The following LUZP2 variants were observed in gnomAD, a reference collection of about 807,000 sequenced individuals.
LUZP2 encodes the protein leucine zipper protein 2.
LUZP2 carries 52 observed loss-of-function variants against 51.6 expected under a neutral mutation model. The ratio of observed to expected loss-of-function variants is 1.01; its 90% confidence interval spans 0.81 to 1.27. The LOEUF is 1.27. Ranked by LOEUF, LUZP2 falls within the 50% of genes most tolerant of loss-of-function variation. The probability of loss-of-function intolerance (pLI) is 0.00; values close to 1 mark genes in which losing one functional copy is unlikely to be tolerated. For synonymous variants in LUZP2, 154 were observed against 137.3 expected (o/e 1.12, Z -0.85); for missense variants, 436 against 395.4 (o/e 1.10, Z -0.87).
rs554232184 is a variant in LUZP2, at chr11:25,074,868, G to A, written c.859-2461G>A. Reference sequence around the variant, plus strand: ...ATCAAAACTTTAAGATATTGTATAAGATTTCTGAGAAGAACTACAATAAAT... The same window carrying A: ...ATCAAAACTTTAAGATATTGTATAAAATTTCTGAGAAGAACTACAATAAAT... On this transcript the variant is annotated intron_variant, in intron 10 of 11. Transcript: ENST00000336930. Among the ~76,000 whole-genome samples the A allele has an allele frequency of 2.0e-5, 3 of 152,176 alleles. No individual in the cohort carries two copies. In the East Asian group the frequency reaches 5.8e-4, roughly 29 times the overall value.
chr11:24,922,761 C>T (rs528371067), intron 7 of LUZP2, among the ~76,000 whole-genome samples: 7 of 145,670 alleles, frequency 4.8e-5, no homozygotes, highest in African/African-American at 1.8e-4. Context: ...ATTAGAAAAC[C>T]AAGACCCAGA....
chr11:24,594,508 A>G (rs536026520), intron 1 of LUZP2, among the ~76,000 whole-genome samples: 1 of 152,282 alleles, frequency 6.6e-6, no homozygotes, highest in South Asian at 2.1e-4. Context: ...TGATGACCCA[A>G]TGAGACATGT....
chr11:24,549,303 A>G (rs1851654055), intron 1 of LUZP2, among the ~76,000 whole-genome samples: 1 of 152,076 alleles, frequency 6.6e-6, no homozygotes, highest in South Asian at 2.1e-4. Flanking sequence ...ACTGTCACGC[A>G]TCTTTACGTC....
chr11:24,732,976 A>G (rs1366248149), intron 3 of LUZP2, among the ~76,000 whole-genome samples: 4 of 151,654 alleles, frequency 2.6e-5, no homozygotes, highest in Non-Finnish European at 4.4e-5. Flanking sequence ...GTCTTACCCT[A>G]CAGCTCCACC....
chr11:24,775,242 T>C (rs1035805043), intron 5 of LUZP2, among the ~76,000 whole-genome samples: 11 of 152,048 alleles, frequency 7.2e-5, no homozygotes, highest in Admixed American at 2.0e-4. Context: ...AACAGGAAAA[T>C]GTTGATACCT....
At chr11:24,515,054 G>A (rs929315643) in intron 1 of LUZP2, among the ~76,000 whole-genome samples, 11 of 152,148 alleles carry the variant, frequency 7.2e-5, no homozygotes, top group African/African-American at 2.2e-4. Flanking sequence ...AGTGAAGGAC[G>A]CTAGAAGGTC....
At chr11:24,563,579 C>G (rs1446714235) in intron 1 of LUZP2, among the ~76,000 whole-genome samples, 1 of 151,962 alleles carries the variant, frequency 6.6e-6, no homozygotes, top group Non-Finnish European at 1.5e-5. Context: ...ATCATGCTTT[C>G]TTTATTTTGT....
At chr11:24,919,661 C>T (rs1353062316) in intron 7 of LUZP2, among the ~76,000 whole-genome samples, 2 of 148,478 alleles carry the variant, frequency 1.3e-5, no homozygotes, top group East Asian at 2.0e-4. Flanking sequence ...TTTATACATG[C>T]ATACATATAT....
chr11:24,506,590 C>T (rs1850152624), intron 1 of LUZP2, among the ~76,000 whole-genome samples: 1 of 152,008 alleles, frequency 6.6e-6, no homozygotes, highest in African/African-American at 2.4e-5. Context: ...TGTGTGTTCT[C>T]TATATGTCTT....
intron 10 of LUZP2, among the ~76,000 whole-genome samples, chr11:25,075,227 A>G (rs1411732912): frequency 6.6e-6 from 1 of 152,164 alleles, no homozygotes; most frequent in African/African-American, 2.4e-5. Flanking sequence ...CATAGTATTA[A>G]TATTCAGAAT....
At chr11:24,778,022 A>C (rs1848987873) in intron 5 of LUZP2, among the ~76,000 whole-genome samples, 1 of 152,304 alleles carries the variant, frequency 6.6e-6, no homozygotes, top group South Asian at 2.1e-4. Context: ...AATAGGTTAT[A>C]TTTCTATAAG....
intron 1 of LUZP2, among the ~76,000 whole-genome samples, chr11:24,597,602 G>A (rs1288573306): frequency 6.6e-6 from 1 of 152,130 alleles, no homozygotes; most frequent in Non-Finnish European, 1.5e-5. Flanking sequence ...AATTAGCTAA[G>A]CATCAGACTC....
At chr11:24,829,503 G>T (rs572179281) in intron 5 of LUZP2, among the ~76,000 whole-genome samples, 1 of 152,078 alleles carries the variant, frequency 6.6e-6, no homozygotes, top group South Asian at 2.1e-4. Context: ...GATTGTGGGA[G>T]AAATATATGT....
intron 1 of LUZP2, among the ~76,000 whole-genome samples, chr11:24,586,933 C>A (rs1270346938): frequency 6.6e-6 from 1 of 151,958 alleles, no homozygotes; most frequent in African/African-American, 2.4e-5. Context: ...TAGGTTTGTA[C>A]TATCAAAAGT....
chr11:24,963,938 T>G (rs917122046), intron 7 of LUZP2, among the ~76,000 whole-genome samples: 2 of 152,182 alleles, frequency 1.3e-5, no homozygotes, highest in African/African-American at 4.8e-5. Context: ...TGTCTTAAAT[T>G]GACTATTGTA....
intron 1 of LUZP2, among the ~76,000 whole-genome samples, chr11:24,660,377 C>G (rs926811945): frequency 1.3e-5 from 2 of 152,102 alleles, no homozygotes; most frequent in African/African-American, 4.8e-5. Flanking sequence ...TCTGCTACAA[C>G]TATAATGTGA....
At chr11:25,066,737 C>T (rs940249497) in intron 10 of LUZP2, among the ~76,000 whole-genome samples, 8 of 151,514 alleles carry the variant, frequency 5.3e-5, no homozygotes, top group African/African-American at 7.3e-5. Flanking sequence ...AGAAAGGTGA[C>T]GTTAGAGAGA....
chr11:24,702,262 C>A (rs1857441501), intron 1 of LUZP2, among the ~76,000 whole-genome samples: 1 of 152,064 alleles, frequency 6.6e-6, no homozygotes. Flanking sequence ...AAAATAATTA[C>A]AATACATGGC....
At chr11:24,623,232 A>C (rs1215765219) in intron 1 of LUZP2, among the ~76,000 whole-genome samples, 4 of 139,224 alleles carry the variant, frequency 2.9e-5, no homozygotes, top group Non-Finnish European at 6.2e-5. Flanking sequence ...TGTACTCATA[A>C]AAACTCATGG....
Sources: allele counts gnomAD v4.1 joint callset (sites outside exome capture counted in the v4.1 genomes callset), GRCh38; gene constraint gnomAD v4.1.1; transcripts MANE v1.5; gene names NCBI Gene and HGNC (gene_info 2026-07-23, HGNC 2026-07-21).